Variants in SLIT3 observed in about 807,000 individuals in gnomAD.
SLIT3 encodes the protein slit guidance ligand 3, also known as slit homolog 3 protein.
In SLIT3, 68 loss-of-function variants were observed where a neutral mutation model predicts 184.0. The ratio of observed to expected loss-of-function variants is 0.37; its 90% confidence interval spans 0.30 to 0.45. The LOEUF (loss-of-function observed/expected upper bound fraction) is 0.45. Ranked by LOEUF, SLIT3 falls within the 20% of genes least tolerant of loss-of-function variation. The pLI, the probability that SLIT3 is intolerant of heterozygous loss-of-function variation, is 1.00. For missense variants in SLIT3, 1,707 were observed against 2,026.0 expected, an observed-to-expected ratio of 0.84 and a Z score of 3.02; for synonymous variants, 831 against 828.6, an observed-to-expected ratio of 1.00 and a Z score of -0.05.
intron 16 of SLIT3, among the ~76,000 whole-genome samples, chr5:168,757,090 C>A (rs1757538767): frequency 6.6e-6 from 1 of 152,180 alleles, no homozygotes; most frequent in Non-Finnish European, 1.5e-5. Context: ...CAGCCTGGGG[C>A]AAACACTCCA....
intron 23 of SLIT3, among the ~76,000 whole-genome samples, chr5:168,716,298 G>GC (rs1214975343): frequency 6.6e-6 from 1 of 152,032 alleles, no homozygotes; most frequent in African/African-American, 2.4e-5. Flanking sequence ...CAGCCCTAGA[G>GC]CCCGGTATCT....
rs528758218 is a variant in SLIT3, at chr5:168,943,175, T to C, written c.414-59839A>G. Among the ~76,000 whole-genome samples the C allele has an allele frequency of 2.0e-3, 299 of 152,254 alleles. 1 individual carries two copies. Among genetic ancestry groups the C allele is most frequent in the Non-Finnish European group, 3.4e-3 (232 of 68,026 alleles). ...GGGCACTTATTCTAGGAAGATGAAA[T>C]GATGATCAGTTTTCCTAAAGTAGGA... On this transcript the variant is annotated intron_variant, in intron 4 of 35. Coordinates refer to ENST00000519560, the MANE Select transcript of SLIT3 (RefSeq NM_003062.4).
chr5:168,844,690 C>A, intron 5 of SLIT3, 35 bp from the exon 6 acceptor site: 2 of 1,607,536 alleles, frequency 1.2e-6, no homozygotes, highest in Non-Finnish European at 1.7e-6. Context: ...GAAGGCTGAG[C>A]GGGGGCAGCG....
In SLIT3 at chr5:169,175,749, C is replaced by T. The variant is rs2113428544; in HGVS notation, c.413+17730G>A. Among the ~76,000 whole-genome samples, 3 of 152,306 alleles carry T rather than the reference C, an allele frequency of 2.0e-5. 1 individual carries two copies. The highest frequency in any genetic ancestry group is 7.2e-5 in the African/African-American group (3 of 41,576). On this transcript the variant is annotated intron_variant, in intron 4 of 35. Coordinates refer to ENST00000519560, the MANE Select transcript of SLIT3 (RefSeq NM_003062.4). Reference sequence around the variant, plus strand: ...TCCACAGACAAGCTGGTAATATCTGCAGGCCTTTCCTACACACCACCTTTC... The same window carrying T: ...TCCACAGACAAGCTGGTAATATCTGTAGGCCTTTCCTACACACCACCTTTC...
chr5:168,712,888 C>A, intron 23 of SLIT3: 1 of 154,346 alleles, frequency 6.5e-6, no homozygotes. Context: ...AGGCTTGCCA[C>A]GGAAAGTTGT....
chr5:169,226,786 G>A (rs756057710), intron 3 of SLIT3, among the ~76,000 whole-genome samples: 59 of 152,272 alleles, frequency 3.9e-4, no homozygotes, highest in Non-Finnish European at 6.2e-4. Context: ...GTCTCAGGAG[G>A]CTCAAAGACT....
At chr5:169,094,765 G>A (rs1759716345) in intron 4 of SLIT3, among the ~76,000 whole-genome samples, 1 of 152,204 alleles carries the variant, frequency 6.6e-6, no homozygotes, top group African/African-American at 2.4e-5. Context: ...GCTAACTGTG[G>A]CCCTAACCTG....
chr5:168,724,519 G>C, intron 20 of SLIT3, 35 bp from the exon 21 acceptor site: 1 of 1,580,092 alleles, frequency 6.3e-7, no homozygotes, highest in Middle Eastern at 1.7e-4. Context: ...ACCTGAGAAA[G>C]AGACACTGTA....
At chr5:169,156,552 T>C (rs1762311841) in intron 4 of SLIT3, among the ~76,000 whole-genome samples, 1 of 152,180 alleles carries the variant, frequency 6.6e-6, no homozygotes, top group Admixed American at 6.5e-5. Flanking sequence ...GTCTGGGCTG[T>C]TTTTTCCCCT....
intron 4 of SLIT3, among the ~76,000 whole-genome samples, chr5:169,112,969 A>G (rs1378425344): frequency 6.6e-6 from 1 of 152,100 alleles, no homozygotes; most frequent in Non-Finnish European, 1.5e-5. Flanking sequence ...CCTCATGTTT[A>G]ACCATCACTC....
At position 169,240,553 on chromosome 5, in the gene SLIT3, G is replaced by A. The variant is rs537695075; in HGVS notation, c.341+4152C>T. ...TTTAATAGAGTGACACTAACCTTTC[G>A]GTTAGTGTTTTCATGCTATCATTTT... On this transcript the variant is annotated intron_variant, in intron 3 of 35. Coordinates refer to ENST00000519560, the MANE Select transcript of SLIT3 (RefSeq NM_003062.4). 3.7e-5 allele frequency among the ~76,000 whole-genome samples: 5 copies of A among 136,128 alleles called. No homozygotes were observed. In the East Asian group the frequency reaches 1.1e-3, roughly 29 times the overall value. The allele number at this position is 136,128 out of a possible 152,430, so 89.3% of individuals were successfully genotyped here. A position where few individuals can be genotyped will look rare whatever the true frequency, so the allele number is the denominator to read the frequency against.
chr5:169,220,952 C>T (rs1317427590), intron 3 of SLIT3, among the ~76,000 whole-genome samples: 1 of 152,196 alleles, frequency 6.6e-6, no homozygotes, highest in Non-Finnish European at 1.5e-5. Context: ...TCACTTGGCT[C>T]CCATTTCCAG....
At chr5:168,744,055 C>T (rs371700868) in intron 20 of SLIT3, among the ~76,000 whole-genome samples, 6 of 152,236 alleles carry the variant, frequency 3.9e-5, no homozygotes, top group African/African-American at 9.6e-5. Context: ...TCTGGGAATC[C>T]GGGGCGGGTG....
At chr5:168,770,988 G>A (rs1275233363) in intron 14 of SLIT3, among the ~76,000 whole-genome samples, 1 of 150,982 alleles carries the variant, frequency 6.6e-6, no homozygotes, top group African/African-American at 2.4e-5. Flanking sequence ...CTCTTTCCCT[G>A]CTGTGCCACG....
chr5:168,781,131 G>A (rs770135243), intron 12 of SLIT3, among the ~76,000 whole-genome samples: 5 of 152,304 alleles, frequency 3.3e-5, no homozygotes, highest in Admixed American at 2.0e-4. Flanking sequence ...ACCATTGGGC[G>A]GCCTGTCTGA....
chr5:168,994,415 C>A (rs1368046656), intron 4 of SLIT3, among the ~76,000 whole-genome samples: 2 of 151,884 alleles, frequency 1.3e-5, no homozygotes, highest in South Asian at 4.2e-4. Context: ...TTGCTCATAC[C>A]CCATAAAGGC....
chr5:169,240,579 C>CTTTTTTTT (rs67955225), intron 3 of SLIT3, among the ~76,000 whole-genome samples: 36 of 114,308 alleles, frequency 3.1e-4, no homozygotes, highest in East Asian at 1.1e-3. Context: ...CTATCATTTT[C>CTTTTTTTT]TTTTTTTTTT....
chr5:168,779,454 C>T (rs1755890986), intron 12 of SLIT3, among the ~76,000 whole-genome samples: 1 of 152,230 alleles, frequency 6.6e-6, no homozygotes, highest in African/African-American at 2.4e-5. Flanking sequence ...AGGGCATGTA[C>T]AGCACCTTCT....
At chr5:169,066,965 C>T (rs1018704326) in intron 4 of SLIT3, among the ~76,000 whole-genome samples, 7 of 114,638 alleles carry the variant, frequency 6.1e-5, no homozygotes, top group African/African-American at 2.4e-4. Context: ...AAAAAAAAGA[C>T]AAGACATACA....
Sources: gnomAD v4.1 joint callset for allele counts (sites outside exome capture counted in the v4.1 genomes callset) on GRCh38, gnomAD v4.1.1 for gene constraint, MANE v1.5 for transcripts, NCBI Gene and HGNC (gene_info 2026-07-23, HGNC 2026-07-21) for gene names.